Variants in COL25A1 observed in about 807,000 individuals in gnomAD.
COL25A1 encodes collagen type XXV alpha 1 chain.
COL25A1 carries 103 observed loss-of-function variants against 128.4 expected under a neutral mutation model. The observed-to-expected ratio is 0.80, with a 90% CI of 0.68 to 0.94. The LOEUF is 0.94. Ranked by LOEUF, COL25A1 falls within the 40% of genes least tolerant of loss-of-function variation. The pLI, the probability that COL25A1 is intolerant of heterozygous loss-of-function variation, is 0.00. For missense variants in COL25A1, 745 were observed against 840.0 expected (o/e 0.89, Z 1.40); for synonymous variants, 279 against 277.2 (o/e 1.01, Z -0.06).
chr4:109,274,277 CT>C (rs1782397511), intron 3 of COL25A1, among the ~76,000 whole-genome samples: 1 of 152,092 alleles, frequency 6.6e-6, no homozygotes, highest in Non-Finnish European at 1.5e-5. Context: ...CCCTAATTTT[CT>C]GTGTACAAAT....
At chr4:109,094,715 G>A in intron 3 of COL25A1, among the ~76,000 whole-genome samples, 1 of 152,130 alleles carries the variant, frequency 6.6e-6, no homozygotes, top group East Asian at 1.9e-4. Flanking sequence ...CATTCCACAT[G>A]TCTGAAAACT....
At chr4:109,149,974 ATGTG>A (rs1442698767) in intron 3 of COL25A1, among the ~76,000 whole-genome samples, 4 of 148,454 alleles carry the variant, frequency 2.7e-5, no homozygotes, top group South Asian at 2.2e-4. Context: ...GTGTGTATGT[ATGTG>A]TATGTATGTG....
At chr4:109,097,300 T>C (rs998250961) in intron 3 of COL25A1, among the ~76,000 whole-genome samples, 2 of 152,132 alleles carry the variant, frequency 1.3e-5, no homozygotes, top group Admixed American at 6.5e-5. Context: ...AAGTGAGCCA[T>C]GTTAATTAAA....
chr4:109,100,891 G>C (rs1481946159), intron 3 of COL25A1, among the ~76,000 whole-genome samples: 2 of 152,124 alleles, frequency 1.3e-5, no homozygotes, highest in African/African-American at 4.8e-5. Flanking sequence ...GAACTGAAAG[G>C]TAGACATTCA....
chr4:109,278,554 T>C (rs759121219), intron 3 of COL25A1, among the ~76,000 whole-genome samples: 9 of 152,222 alleles, frequency 5.9e-5, no homozygotes, highest in Non-Finnish European at 1.0e-4. Flanking sequence ...ATCAAATATA[T>C]ATGAAATGTA....
At chr4:108,991,959 A>G (rs1361687706) in intron 6 of COL25A1, among the ~76,000 whole-genome samples, 1 of 152,180 alleles carries the variant, frequency 6.6e-6, no homozygotes, top group East Asian at 1.9e-4. Context: ...AATACTGTGA[A>G]ATGAAATTAA....
At chr4:108,945,234 TA>T (rs1748584641) in intron 8 of COL25A1, among the ~76,000 whole-genome samples, 1 of 152,214 alleles carries the variant, frequency 6.6e-6, no homozygotes, top group South Asian at 2.1e-4. Flanking sequence ...GAATATGTTT[TA>T]AAAATTTTCA....
intron 3 of COL25A1, among the ~76,000 whole-genome samples, chr4:109,186,207 G>A (rs979841822): frequency 4.6e-5 from 7 of 152,100 alleles, no homozygotes; most frequent in African/African-American, 1.2e-4. Context: ...TTAGAGAAAC[G>A]ACTCCAATTC....
At chr4:108,916,456 C>G (rs1484544398) in intron 13 of COL25A1, among the ~76,000 whole-genome samples, 1 of 151,992 alleles carries the variant, frequency 6.6e-6, no homozygotes, top group East Asian at 1.9e-4. Context: ...GTGTATGTGA[C>G]AGTTTTAAAG....
At chr4:109,032,552 C>T (rs1006748940) in intron 5 of COL25A1, among the ~76,000 whole-genome samples, 1 of 152,168 alleles carries the variant, frequency 6.6e-6, no homozygotes, top group African/African-American at 2.4e-5. Context: ...TCACTTCGCA[C>T]TGCAATAAAA....
chr4:109,099,623 A>T (rs987606547), intron 3 of COL25A1, among the ~76,000 whole-genome samples: 1 of 137,972 alleles, frequency 7.2e-6, no homozygotes, highest in Non-Finnish European at 1.5e-5. Context: ...CAAAGTTATA[A>T]AAAAAAAAAG....
intron 31 of COL25A1, among the ~76,000 whole-genome samples, chr4:108,841,389 T>A (rs1449850922): frequency 1.3e-5 from 2 of 152,054 alleles, no homozygotes; most frequent in African/African-American, 4.8e-5. Context: ...TCTAGACTAG[T>A]CTGAGAATCT....
At chr4:108,915,014 G>A (rs1744702884) in intron 13 of COL25A1, among the ~76,000 whole-genome samples, 2 of 152,152 alleles carry the variant, frequency 1.3e-5, no homozygotes, top group African/African-American at 4.8e-5. Context: ...CTCAGATGCA[G>A]AGACCACGCC....
intron 3 of COL25A1, among the ~76,000 whole-genome samples, chr4:109,084,717 T>C (rs570502221): frequency 3.5e-4 from 53 of 152,350 alleles, no homozygotes; most frequent in African/African-American, 1.2e-3. Flanking sequence ...GGGCCCAGCA[T>C]GATTCATTTA....
At chr4:109,033,381 G>T (rs1390402294) in intron 5 of COL25A1, among the ~76,000 whole-genome samples, 1 of 152,164 alleles carries the variant, frequency 6.6e-6, no homozygotes, top group Non-Finnish European at 1.5e-5. Flanking sequence ...TAGCTTCCAG[G>T]TATCGTGCCC....
intron 8 of COL25A1, among the ~76,000 whole-genome samples, chr4:108,947,206 G>A (rs1382450487): frequency 6.6e-6 from 1 of 152,172 alleles, no homozygotes; most frequent in Non-Finnish European, 1.5e-5. Flanking sequence ...CACTTTGGGA[G>A]GCTGAGGCGG....
rs74514394 is a variant in COL25A1, at chr4:108,890,273, G to A, written c.907-540C>T. 2.5e-3 allele frequency among the ~76,000 whole-genome samples: 385 copies of A among 152,296 alleles called. 3 individuals carry two copies. The highest frequency in any genetic ancestry group is 8.9e-3 in the African/African-American group (370 of 41,552). On this transcript the variant is annotated intron_variant, in intron 16 of 37. Coordinates refer to ENST00000399132, the MANE Select transcript of COL25A1 (RefSeq NM_198721.4). Reference sequence around the variant, plus strand: ...CAGCAGATCAGTTTGTTTTCCTCATGAAGCACTGTCACAGATACAATGGGC... The same window carrying A: ...CAGCAGATCAGTTTGTTTTCCTCATAAAGCACTGTCACAGATACAATGGGC...
chr4:108,866,482 C>A (rs1223356180), intron 20 of COL25A1, among the ~76,000 whole-genome samples: 1 of 152,220 alleles, frequency 6.6e-6, no homozygotes, highest in Non-Finnish European at 1.5e-5. Context: ...CGTAAGCCAC[C>A]ATGCCCAGGC....
At chr4:108,861,662 A>C (rs1737238186) in intron 22 of COL25A1, among the ~76,000 whole-genome samples, 1 of 152,212 alleles carries the variant, frequency 6.6e-6, no homozygotes, top group African/African-American at 2.4e-5. Flanking sequence ...TCAACTGTAG[A>C]GCAGCAGGAA....
Sources: gnomAD v4.1 joint callset for allele counts (sites outside exome capture counted in the v4.1 genomes callset) on GRCh38, gnomAD v4.1.1 for gene constraint, MANE v1.5 for transcripts, NCBI Gene and HGNC (gene_info 2026-07-23, HGNC 2026-07-21) for gene names.